The following PRKN variants were observed in gnomAD, a reference collection of about 807,000 sequenced individuals.
PRKN encodes parkin RBR E3 ubiquitin protein ligase.
A neutral mutation model predicts 59.5 loss-of-function variants in PRKN; 56 were observed. The observed-to-expected ratio is 0.94, with a 90% CI of 0.76 to 1.18. The LOEUF is 1.18. Ranked by LOEUF, PRKN falls within the 50% of genes most tolerant of loss-of-function variation. The pLI is 0.00. For synonymous variants in PRKN, 250 were observed against 222.1 expected, an observed-to-expected ratio of 1.13 and a Z score of -1.12; for missense variants, 657 against 596.4, an observed-to-expected ratio of 1.10 and a Z score of -1.06.
At chr6:161,415,183 G>A (rs1787780298) in intron 9 of PRKN, among the ~76,000 whole-genome samples, 1 of 152,146 alleles carries the variant, frequency 6.6e-6, no homozygotes, top group African/African-American at 2.4e-5. Flanking sequence ...TCACATAATT[G>A]AGACCTAGTC....
In PRKN at chr6:161,363,855, T is replaced by C. The variant is rs1317331701; in HGVS notation, c.1168-3650A>G. Among the ~76,000 whole-genome samples, 1 of 152,078 alleles carries C rather than the reference T, an allele frequency of 6.6e-6. No individual in the cohort carries two copies. The highest frequency in any genetic ancestry group is 2.4e-5 in the African/African-American group (1 of 41,418). On this transcript the variant is annotated intron_variant, in intron 10 of 11. Coordinates refer to ENST00000366898, the MANE Select transcript of PRKN (RefSeq NM_004562.3). This position sits in a 1 kb window ranked among gnomAD's most constrained non-coding sequence, Gnocchi z 4.1. ...AAACAGCATTTCCCATCAACAGAAGTTCATTAAAGAAACATGATTTGGGGC... is the reference window on the plus strand; with the variant it reads ...AAACAGCATTTCCCATCAACAGAAGCTCATTAAAGAAACATGATTTGGGGC...
intron 5 of PRKN, among the ~76,000 whole-genome samples, chr6:162,051,276 T>C (rs1354559919): frequency 6.6e-6 from 1 of 152,214 alleles, no homozygotes; most frequent in African/African-American, 2.4e-5. Context: ...AGGCCGTCTA[T>C]GCGAGATTCT....
chr6:161,662,927 T>C (rs770915463), intron 7 of PRKN, among the ~76,000 whole-genome samples: 9 of 152,232 alleles, frequency 5.9e-5, no homozygotes. Context: ...TCTTGAATTG[T>C]AGCTCCCATA....
chr6:161,707,603 C>A (rs1279952022), intron 7 of PRKN, among the ~76,000 whole-genome samples: 1 of 152,158 alleles, frequency 6.6e-6, no homozygotes. Flanking sequence ...ATTTAATCAG[C>A]ATAAAAAATT....
intron 2 of PRKN, among the ~76,000 whole-genome samples, chr6:162,378,062 T>C (rs1209978269): frequency 1.3e-5 from 2 of 152,138 alleles, no homozygotes; most frequent in East Asian, 3.9e-4. Context: ...CACAGCATGG[T>C]CAAAGGCAAT....
chr6:161,567,595 G>A (rs1049232197), intron 8 of PRKN, among the ~76,000 whole-genome samples: 20 of 151,988 alleles, frequency 1.3e-4, no homozygotes, highest in African/African-American at 3.4e-4. Flanking sequence ...GTGTGTTTGC[G>A]TTTTAGGAAA....
intron 2 of PRKN, among the ~76,000 whole-genome samples, chr6:162,443,075 G>GTTCT (rs543796778): frequency 6.6e-6 from 1 of 152,088 alleles, no homozygotes; most frequent in Non-Finnish European, 1.5e-5. Context: ...TAGCTCGTGT[G>GTTCT]TTCTTTCTCT....
intron 1 of PRKN, among the ~76,000 whole-genome samples, chr6:162,716,121 G>A (rs1439327893): frequency 2.6e-5 from 4 of 152,198 alleles, no homozygotes; most frequent in East Asian, 3.9e-4. Context: ...AATATTTGCC[G>A]AATTTAACAT....
At chr6:161,775,309 C>A (rs193111794) in intron 7 of PRKN, among the ~76,000 whole-genome samples, 1 of 152,112 alleles carries the variant, frequency 6.6e-6, no homozygotes. Flanking sequence ...ATGGCACAAT[C>A]ATGGCTCACT....
chr6:162,178,037 A>G (rs1040314474), intron 4 of PRKN, among the ~76,000 whole-genome samples: 3 of 152,196 alleles, frequency 2.0e-5, no homozygotes, highest in South Asian at 4.1e-4. Flanking sequence ...TTTGGAGATC[A>G]TATTTTCCCC....
rs10484500 is a variant in PRKN at position 162,398,232 on chromosome 6, C to T, written c.171+45078G>A. Among the ~76,000 whole-genome samples, 1,187 of 152,058 alleles carry T rather than the reference C, an allele frequency of 7.8e-3. 15 individuals are homozygous for T. The highest frequency in any genetic ancestry group is 0.028 in the African/African-American group (1,148 of 41,470). On this transcript the variant is annotated intron_variant, in intron 2 of 11. Coordinates refer to ENST00000366898, the MANE Select transcript of PRKN (RefSeq NM_004562.3). Reference sequence around the variant, plus strand: ...TATAAAAGGCTTCTAGTATCATTTCCTAACTAACATCTGGCTTACTGAATA... The same window carrying T: ...TATAAAAGGCTTCTAGTATCATTTCTTAACTAACATCTGGCTTACTGAATA...
At chr6:161,408,388 G>A (rs575854773) in intron 9 of PRKN, among the ~76,000 whole-genome samples, 4 of 149,956 alleles carry the variant, frequency 2.7e-5, no homozygotes, top group East Asian at 2.0e-4. Context: ...GTGGGTTTGC[G>A]TATACATGTA....
intron 1 of PRKN, among the ~76,000 whole-genome samples, chr6:162,452,958 A>C (rs1220707703): frequency 6.6e-6 from 1 of 152,216 alleles, no homozygotes; most frequent in Non-Finnish European, 1.5e-5. Flanking sequence ...TATCACAAAA[A>C]ATAGATTCAA....
At position 161,568,774 on chromosome 6, in the gene PRKN, CAT is replaced by C. The variant is rs1275365566; in HGVS notation, c.933+579_933+580del. Among the ~76,000 whole-genome samples the C allele has an allele frequency of 9.2e-5, 14 of 152,084 alleles. No individual in the cohort carries two copies. The South Asian group carries it at 2.9e-3, about 32-fold the overall frequency. ...GCATTCCATACTATATATGTGTGTA[CAT>C]ATATATAATATTTAGCACCCTGAAT... On this transcript the variant is annotated intron_variant, in intron 8 of 11. Coordinates refer to ENST00000366898, the MANE Select transcript of PRKN (RefSeq NM_004562.3).
chr6:162,443,456 A>G lies in PRKN; in HGVS notation c.25T>C (p.Ser9Pro), dbSNP rs111356273. 3 of 1,614,138 alleles carry G rather than the reference A, an allele frequency of 1.9e-6. No homozygotes were observed. The highest frequency in any genetic ancestry group is 2.5e-6 in the Non-Finnish European group (3 of 1,179,990). ...ACCTCCACTGGGAAACCATGGCTGGAGTTGAACCTGACAAACACTGACCAA... is the reference window on the plus strand; with the variant it reads ...ACCTCCACTGGGAAACCATGGCTGGGGTTGAACCTGACAAACACTGACCAA... MIVFVRFNSSHGFPVEVDS... is the reference protein window; with the variant it reads MIVFVRFNPSHGFPVEVDS... Residue 9 changes from serine (S) to proline (P), a missense_variant, in exon 2 of 12, where the codon TCC becomes CCC. Physicochemically the swap from Ser to Pro is moderately conservative, Grantham distance 74. Coordinates refer to ENST00000366898, the MANE Select transcript of PRKN (RefSeq NM_004562.3).
intron 2 of PRKN, among the ~76,000 whole-genome samples, chr6:162,431,370 T>C (rs1789521474): frequency 6.6e-6 from 1 of 152,152 alleles, no homozygotes; most frequent in Admixed American, 6.6e-5. Flanking sequence ...GTCAGTCCTT[T>C]ACATTTAGTT....
At chr6:162,447,583 T>A (rs2128169413) in intron 1 of PRKN, among the ~76,000 whole-genome samples, 1 of 152,190 alleles carries the variant, frequency 6.6e-6, no homozygotes, top group Middle Eastern at 3.4e-3. Flanking sequence ...GGTTGAGAAG[T>A]CCCAGAGAGT....
At chr6:161,535,524 T>C (rs867875202) in intron 9 of PRKN, among the ~76,000 whole-genome samples, 2 of 152,184 alleles carry the variant, frequency 1.3e-5, no homozygotes, top group Non-Finnish European at 1.5e-5. Context: ...CATCATCCAT[T>C]TGCCCTTTTC....
intron 2 of PRKN, among the ~76,000 whole-genome samples, chr6:162,422,954 C>CAAAAA (rs61557917): frequency 2.9e-4 from 19 of 65,700 alleles, no homozygotes; most frequent in South Asian, 8.3e-4. Flanking sequence ...TCCAAGAGAC[C>CAAAAA]AAAAAAAAAA....
Sources: allele counts gnomAD v4.1 joint callset (sites outside exome capture counted in the v4.1 genomes callset), GRCh38; gene constraint gnomAD v4.1.1; non-coding constraint Gnocchi (gnomAD v3.1); transcripts MANE v1.5; gene names NCBI Gene and HGNC (gene_info 2026-07-23, HGNC 2026-07-21).